CELF1: variants seen among roughly 807,000 people sequenced by gnomAD.
CELF1 encodes CUGBP Elav-like family member 1.
CELF1 carries 10 observed loss-of-function variants against 61.8 expected under a neutral mutation model. That is an observed-to-expected ratio of 0.16 (90% CI 0.10 to 0.27). The LOEUF (loss-of-function observed/expected upper bound fraction) is 0.27, where lower values mean the gene tolerates loss of function less well. CELF1 is among the 10% of genes least tolerant of loss of function. The pLI is 1.00. For missense variants in CELF1, 380 were observed against 639.1 expected, an observed-to-expected ratio of 0.59 and a Z score of 4.37; for synonymous variants, 236 against 225.1, an observed-to-expected ratio of 1.05 and a Z score of -0.43.
chr11:47,526,357 A>T (rs1045833289), intron 1 of CELF1, among the ~76,000 whole-genome samples: 2 of 152,172 alleles, frequency 1.3e-5, no homozygotes, highest in African/African-American at 4.8e-5. Context: ...GATATCTTAA[A>T]TGTGAAGAAT....
At chr11:47,498,410 CAG>C (rs938330197) in intron 3 of CELF1, among the ~76,000 whole-genome samples, 1 of 152,146 alleles carries the variant, frequency 6.6e-6, no homozygotes. Flanking sequence ...GTTTCAAAAA[CAG>C]AGAGAGAAAG....
At chr11:47,509,066 G>A (rs1016978605) in intron 1 of CELF1, among the ~76,000 whole-genome samples, 18 of 152,210 alleles carry the variant, frequency 1.2e-4, no homozygotes, top group Admixed American at 2.6e-4. Context: ...CACCGTGCCC[G>A]GCCTCAAAAA....
At chr11:47,488,271 A>G (rs1169663566) in intron 4 of CELF1, among the ~76,000 whole-genome samples, 2 of 152,182 alleles carry the variant, frequency 1.3e-5, no homozygotes, top group Non-Finnish European at 2.9e-5. Context: ...CTGCTAGGCA[A>G]TTCTGGAAGC....
intron 1 of CELF1, among the ~76,000 whole-genome samples, chr11:47,537,411 C>T (rs1036889916): frequency 3.3e-5 from 5 of 151,966 alleles, no homozygotes; most frequent in Admixed American, 2.6e-4. Flanking sequence ...CCACATTCAA[C>T]AAATTTCTGT....
chr11:47,527,913 T>C (rs2096307555), intron 1 of CELF1, among the ~76,000 whole-genome samples: 1 of 151,976 alleles, frequency 6.6e-6, no homozygotes, highest in Non-Finnish European at 1.5e-5. Context: ...CTGGCCAACA[T>C]GGTGAAACCC....
chr11:47,482,393 ATTTC>A (rs1322403028), intron 9 of CELF1: 1 of 215,426 alleles, frequency 4.6e-6, no homozygotes, highest in Non-Finnish European at 9.1e-6. Flanking sequence ...TCCCTCAGGA[ATTTC>A]TTTCTTGGAG....
At chr11:47,558,521 GTATA>G in intron 2 of CELF1, among the ~76,000 whole-genome samples, 2 of 107,508 alleles carry the variant, frequency 1.9e-5, no homozygotes, top group African/African-American at 8.6e-5. Context: ...AATAATATAT[GTATA>G]TGTATATATT....
At chr11:47,551,340 T>C (rs1490741882) in intron 1 of CELF1, among the ~76,000 whole-genome samples, 1 of 152,182 alleles carries the variant, frequency 6.6e-6, no homozygotes, top group Admixed American at 6.6e-5. Context: ...ACCATAACCT[T>C]CCTGGTTAAA....
At chr11:47,482,973 T>G in intron 8 of CELF1, 117 bp from the exon 9 acceptor site, 1 of 901,362 alleles carries the variant, frequency 1.1e-6, no homozygotes. Flanking sequence ...CAAATGATTC[T>G]CCTCATGATA....
intron 5 of CELF1, 125 bp from the exon 6 acceptor site, chr11:47,486,923 A>G: frequency 1.2e-6 from 1 of 802,216 alleles, no homozygotes; most frequent in Non-Finnish European, 2.1e-6. Context: ...CTGCTTCATG[A>G]TCTTTCCCCA....
intron 1 of CELF1, among the ~76,000 whole-genome samples, chr11:47,512,867 G>A (rs924980339): frequency 1.3e-5 from 2 of 152,118 alleles, no homozygotes; most frequent in Non-Finnish European, 1.5e-5. Flanking sequence ...AGGATCAAGC[G>A]GGAAGCAGAC....
rs572967548 is a variant in CELF1, at chr11:47,476,770, G to A, written c.1087+76C>T. ...TCACTGGGCCACTGCAATCATTCCAGTGGTGCCCCTACCAGGGTTAAGATG... is the reference window on the plus strand; with the variant it reads ...TCACTGGGCCACTGCAATCATTCCAATGGTGCCCCTACCAGGGTTAAGATG... On this transcript the variant is annotated intron_variant, in intron 12 of 14. Transcript: ENST00000687097. 1.2e-3 allele frequency: 1,339 copies of A among 1,149,542 alleles called. 1 individual carries two copies. Among genetic ancestry groups the A allele is most frequent in the Non-Finnish European group, 1.6e-3 (1,237 of 761,566 alleles). The allele number at this position is 1,149,542 out of a possible 1,614,324, so 71.2% of individuals were successfully genotyped here. A position where few individuals can be genotyped will look rare whatever the true frequency, so the allele number is the denominator to read the frequency against.
intron 3 of CELF1, among the ~76,000 whole-genome samples, chr11:47,492,723 T>A (rs979671099): frequency 6.6e-6 from 1 of 151,920 alleles, no homozygotes; most frequent in Middle Eastern, 3.2e-3. Flanking sequence ...CAGAGTGAGA[T>A]CTTGTCTCCA....
chr11:47,510,188 TAAG>T (rs1224954923), intron 1 of CELF1, among the ~76,000 whole-genome samples: 2 of 152,328 alleles, frequency 1.3e-5, no homozygotes, highest in East Asian at 1.9e-4. Context: ...TACAACCTCA[TAAG>T]AAGTTTTTTA....
chr11:47,544,837 C>G (rs1443707852), intron 1 of CELF1, among the ~76,000 whole-genome samples: 1 of 151,628 alleles, frequency 6.6e-6, no homozygotes, highest in African/African-American at 2.4e-5. Flanking sequence ...TGGCACATGC[C>G]TATAATCCCA....
chr11:47,525,319 A>G (rs2096180591), intron 1 of CELF1, among the ~76,000 whole-genome samples: 1 of 152,238 alleles, frequency 6.6e-6, no homozygotes, highest in Non-Finnish European at 1.5e-5. Context: ...TATTTTACTT[A>G]GAACAATTCA....
At chr11:47,500,597 A>G (rs901500655) in intron 2 of CELF1, among the ~76,000 whole-genome samples, 1 of 152,208 alleles carries the variant, frequency 6.6e-6, no homozygotes, top group Non-Finnish European at 1.5e-5. Flanking sequence ...AAGTCTCTTC[A>G]TTCTCTTTTT....
intron 1 of CELF1, among the ~76,000 whole-genome samples, chr11:47,551,549 C>T (rs908297199): frequency 6.6e-6 from 1 of 152,180 alleles, no homozygotes; most frequent in African/African-American, 2.4e-5. Context: ...AATGCTAAAA[C>T]AGAAAGGGTG....
intron 1 of CELF1, among the ~76,000 whole-genome samples, chr11:47,531,427 GGCGTGGTGGCACTC>G (rs2096470142): frequency 6.6e-6 from 1 of 152,080 alleles, no homozygotes; most frequent in African/African-American, 2.4e-5. Flanking sequence ...GCATTAGCCG[GGCGTGGTGGCACTC>G]GCCTATAGTC....
Sources: gnomAD v4.1 joint callset for allele counts (sites outside exome capture counted in the v4.1 genomes callset) on GRCh38, gnomAD v4.1.1 for gene constraint, MANE v1.5 for transcripts, NCBI Gene and HGNC (gene_info 2026-07-23, HGNC 2026-07-21) for gene names.